Variants in DCC observed in about 807,000 individuals in gnomAD.
The protein encoded by DCC is netrin receptor DCC.
A neutral mutation model predicts 172.5 loss-of-function variants in DCC; 58 were observed. The observed-to-expected ratio is 0.34, with a 90% CI of 0.27 to 0.42. The LOEUF (loss-of-function observed/expected upper bound fraction) is 0.42, where lower values mean the gene tolerates loss of function less well. DCC is among the 10% of genes least tolerant of loss of function. The pLI, the probability that DCC is intolerant of heterozygous loss-of-function variation, is 1.00. For synonymous variants in DCC, 709 were observed against 644.5 expected, an observed-to-expected ratio of 1.10 and a Z score of -1.52; for missense variants, 1,740 against 1,791.0, an observed-to-expected ratio of 0.97 and a Z score of 0.51.
At chr18:52,632,354 A>C (rs2034693033) in intron 1 of DCC, among the ~76,000 whole-genome samples, 14 of 152,216 alleles carry the variant, frequency 9.2e-5, no homozygotes, top group Middle Eastern at 3.2e-3. Flanking sequence ...GTAAGCAATT[A>C]AAAAATCTGT....
intron 27 of DCC, among the ~76,000 whole-genome samples, chr18:53,522,949 A>G (rs1328567184): frequency 1.3e-5 from 2 of 152,214 alleles, no homozygotes; most frequent in African/African-American, 2.4e-5. Context: ...TCTTCATAGC[A>G]AAAGAAACTA....
chr18:52,400,857 A>G (rs992023015), intron 1 of DCC, among the ~76,000 whole-genome samples: 1 of 151,104 alleles, frequency 6.6e-6, no homozygotes, highest in Admixed American at 6.6e-5. Context: ...AAAACCAAAC[A>G]CCGCATGTTC....
intron 7 of DCC, among the ~76,000 whole-genome samples, chr18:53,151,654 A>C (rs1314383359): frequency 6.7e-6 from 1 of 149,202 alleles, no homozygotes; most frequent in Admixed American, 7.0e-5. Context: ...CAAATAAATA[A>C]ATGATTATTT....
intron 1 of DCC, among the ~76,000 whole-genome samples, chr18:52,382,639 C>T (rs568475772): frequency 6.6e-6 from 1 of 152,086 alleles, no homozygotes; most frequent in East Asian, 1.9e-4. Flanking sequence ...TGGAGACAGC[C>T]AACAATGACC....
chr18:52,376,817 A>T (rs915960952), intron 1 of DCC, among the ~76,000 whole-genome samples: 9 of 152,208 alleles, frequency 5.9e-5, no homozygotes, highest in Non-Finnish European at 1.2e-4. Flanking sequence ...ATTAGAATAC[A>T]TGAAGTAGTA....
chr18:52,737,995 C>A, intron 1 of DCC, among the ~76,000 whole-genome samples: 1 of 152,072 alleles, frequency 6.6e-6, no homozygotes, highest in South Asian at 2.1e-4. Context: ...TGGCCCTCTG[C>A]CTGTTTTTGT....
chr18:52,835,334 T>G (rs1426458600), intron 2 of DCC, among the ~76,000 whole-genome samples: 1 of 152,222 alleles, frequency 6.6e-6, no homozygotes, highest in Non-Finnish European at 1.5e-5. Flanking sequence ...CATTTCAAAG[T>G]AATTTACTTT....
chr18:52,354,210 C>T (rs1431463558), intron 1 of DCC, among the ~76,000 whole-genome samples: 1 of 152,124 alleles, frequency 6.6e-6, no homozygotes, highest in Non-Finnish European at 1.5e-5. Context: ...AACAATAGGA[C>T]AGCCCCAGGT....
chr18:53,261,350 C>T (rs1372476905), intron 12 of DCC, among the ~76,000 whole-genome samples: 4 of 152,278 alleles, frequency 2.6e-5, no homozygotes, highest in African/African-American at 4.8e-5. Context: ...GGCTCCACAC[C>T]CTCGTGAGGA....
intron 15 of DCC, among the ~76,000 whole-genome samples, chr18:53,377,188 TATAAC>T (rs1220943647): frequency 6.6e-6 from 1 of 152,192 alleles, no homozygotes; most frequent in African/African-American, 2.4e-5. Context: ...TTTGTGATGT[TATAAC>T]AGAATATCTG....
chr18:53,235,869 A>G (rs370313859), intron 12 of DCC, among the ~76,000 whole-genome samples: 236 of 152,232 alleles, frequency 1.6e-3, no homozygotes, highest in African/African-American at 5.4e-3. Context: ...ATGGAATTAC[A>G]CAATATTTGT....
chr18:53,178,820 G>T, intron 8 of DCC, 142 bp from the exon 9 acceptor site: 2 of 771,248 alleles, frequency 2.6e-6, no homozygotes, highest in East Asian at 2.7e-5. Context: ...GAAAGTCTGA[G>T]GTCTTGAATT....
intron 28 of DCC, among the ~76,000 whole-genome samples, chr18:53,530,085 T>C (rs2046509100): frequency 6.6e-6 from 1 of 152,210 alleles, no homozygotes; most frequent in African/African-American, 2.4e-5. Context: ...AAATATTCTG[T>C]TCATATCTTG....
chr18:53,155,599 T>C (rs977619364), intron 7 of DCC, among the ~76,000 whole-genome samples: 2 of 152,268 alleles, frequency 1.3e-5, no homozygotes, highest in Non-Finnish European at 2.9e-5. Context: ...TTTTTAATTG[T>C]GAATAATTCA....
chr18:53,063,055 T>C (rs1194701573), intron 5 of DCC, among the ~76,000 whole-genome samples: 3 of 152,142 alleles, frequency 2.0e-5, no homozygotes, highest in Non-Finnish European at 2.9e-5. Flanking sequence ...GTTTTTTTTT[T>C]CCAAAAAGTG....
chr18:53,324,411 A>T (rs2144831902), intron 14 of DCC, among the ~76,000 whole-genome samples: 1 of 152,268 alleles, frequency 6.6e-6, no homozygotes, highest in East Asian at 1.9e-4. Flanking sequence ...TATACACCCA[A>T]GGAGTATAAG....
chr18:52,494,069 G>C (rs973836787), intron 1 of DCC, among the ~76,000 whole-genome samples: 3 of 151,944 alleles, frequency 2.0e-5, no homozygotes, highest in African/African-American at 7.2e-5. Context: ...GGGTTATTTT[G>C]CCTTCACTTT....
At chr18:52,819,884 A>G (rs1598836432) in intron 2 of DCC, among the ~76,000 whole-genome samples, 2 of 145,146 alleles carry the variant, frequency 1.4e-5, no homozygotes, top group South Asian at 4.2e-4. Context: ...ATGCCCAGCT[A>G]ATTTTTTTTT....
intron 1 of DCC, among the ~76,000 whole-genome samples, chr18:52,368,380 C>G (rs1054448148): frequency 4.6e-5 from 7 of 151,988 alleles, no homozygotes; most frequent in African/African-American, 1.7e-4. Flanking sequence ...GAATGGGGGA[C>G]AAGAAGACAA....
Sources: gnomAD v4.1 joint callset for allele counts (sites outside exome capture counted in the v4.1 genomes callset) on GRCh38, gnomAD v4.1.1 for gene constraint, MANE v1.5 for transcripts, NCBI Gene and HGNC (gene_info 2026-07-23, HGNC 2026-07-21) for gene names.